Variants in DCHS2 observed in about 807,000 individuals in gnomAD.
The protein encoded by DCHS2 is dachsous cadherin-related 2, also known as protocadherin-23.
In DCHS2, 142 loss-of-function variants were observed where a neutral mutation model predicts 182.4. That is an observed-to-expected ratio of 0.78 (90% CI 0.68 to 0.89). The LOEUF is 0.89. Among genes scored for constraint, DCHS2 ranks in the 40% least tolerant of loss-of-function variants. The probability of loss-of-function intolerance (pLI) is 0.00; values close to 1 mark genes in which losing one functional copy is unlikely to be tolerated. For missense variants in DCHS2, 4,319 were observed against 4,198.6 expected (o/e 1.03, Z -0.79); for synonymous variants, 1,740 against 1,663.3 (o/e 1.05, Z -1.12).
chr4:154,467,351 GA>G (rs1221991745), intron 1 of DCHS2, among the ~76,000 whole-genome samples: 1 of 152,040 alleles, frequency 6.6e-6, no homozygotes, highest in African/African-American at 2.4e-5. Context: ...TGCCAGGCAT[GA>G]AATGATACCA....
In DCHS2 at chr4:154,321,997, G is replaced by T. The variant is rs1736076691; in HGVS notation, c.4176+334C>A. On this transcript the variant is annotated intron_variant, in intron 8 of 19. Transcript: ENST00000357232. ...ATTTGTTTACATACAAGTGTCTCCT[G>T]CAAATTTACCAGAGCCTTGACATTA... 2.0e-5 allele frequency among the ~76,000 whole-genome samples: 3 copies of T among 152,214 alleles called. No homozygotes were observed. In the South Asian group the frequency reaches 6.2e-4, roughly 32 times the overall value.
chr4:154,391,245 A>T (rs747015375), intron 1 of DCHS2: 7 of 1,612,732 alleles, frequency 4.3e-6, no homozygotes, highest in Non-Finnish European at 5.9e-6. Flanking sequence ...CTGAGTAAAC[A>T]TCTTCTTTTC....
intron 16 of DCHS2, among the ~76,000 whole-genome samples, chr4:154,248,200 T>C (rs1005263225): frequency 1.3e-5 from 2 of 152,122 alleles, no homozygotes; most frequent in African/African-American, 4.8e-5. Flanking sequence ...GAAAAAAACA[T>C]ATAATATGAT....
chr4:154,319,120 G>T (rs1032481463), intron 9 of DCHS2, among the ~76,000 whole-genome samples: 1 of 152,104 alleles, frequency 6.6e-6, no homozygotes, highest in African/African-American at 2.4e-5. Context: ...AACAAATGAT[G>T]TGGGGAAACC....
At chr4:154,432,670 A>T (rs1733606457) in intron 1 of DCHS2, among the ~76,000 whole-genome samples, 1 of 152,052 alleles carries the variant, frequency 6.6e-6, no homozygotes, top group Non-Finnish European at 1.5e-5. Flanking sequence ...TGAGAAAAAG[A>T]CAGAAAATCT....
intron 1 of DCHS2, among the ~76,000 whole-genome samples, chr4:154,462,027 G>A (rs1431468600): frequency 6.6e-6 from 1 of 152,078 alleles, no homozygotes; most frequent in Non-Finnish European, 1.5e-5. Context: ...GAAGGAAAGG[G>A]ACAGAAACCA....
Position 154,304,701 on chromosome 4 carries a change from C to T in DCHS2, c.5573G>A (p.Gly1858Asp). 6.2e-7 allele frequency: 1 copy of T among 1,612,966 alleles called. No individual in the cohort carries two copies. The highest frequency in any genetic ancestry group is 1.3e-5 in the African/African-American group (1 of 74,972). ...GTGATATTCAACAGCTCTGTTATTG[C>T]CAGCATCCATATCAGAGGCTAAAAC... ...YTVLASDMDAGNNRAVEYHII... is the reference protein window; with the variant it reads ...YTVLASDMDADNNRAVEYHII... Residue 1858 changes from glycine (G) to aspartate (D), a missense_variant, in exon 12 of 20, where the codon GGC becomes GAC. Gly to Asp is a moderately conservative substitution (Grantham distance 94). Coordinates refer to ENST00000357232, the MANE Select transcript of DCHS2 (RefSeq NM_001358235.2).
In DCHS2 at chr4:154,436,975, C is replaced by T. The variant is rs73854764; in HGVS notation, c.2052+52329G>A. ...GTATTACAATTAATTTCATCTGTTTCCTCTTCCTTCTTTTGGTGTGGGTAC... is the reference window on the plus strand; with the variant it reads ...GTATTACAATTAATTTCATCTGTTTTCTCTTCCTTCTTTTGGTGTGGGTAC... On this transcript the variant is annotated intron_variant, in intron 1 of 19. Transcript: ENST00000357232. 3.5e-3 allele frequency among the ~76,000 whole-genome samples: 533 copies of T among 152,202 alleles called. 3 individuals carry two copies. Among genetic ancestry groups the T allele is most frequent in the African/African-American group, 0.012 (504 of 41,522 alleles).
At chr4:154,260,650 A>G (rs547612151) in intron 14 of DCHS2, among the ~76,000 whole-genome samples, 23 of 152,286 alleles carry the variant, frequency 1.5e-4, no homozygotes, top group African/African-American at 5.5e-4. Flanking sequence ...TTTCCAGATC[A>G]CCATCCCTGT....
At chr4:154,366,675 G>A (rs559220972) in intron 2 of DCHS2, among the ~76,000 whole-genome samples, 14 of 151,732 alleles carry the variant, frequency 9.2e-5, no homozygotes, top group African/African-American at 2.2e-4. Context: ...ACACAAACAC[G>A]TCTTTATATT....
intron 1 of DCHS2, among the ~76,000 whole-genome samples, chr4:154,386,087 T>C (rs1731402004): frequency 6.6e-6 from 1 of 152,164 alleles, no homozygotes; most frequent in South Asian, 2.1e-4. Flanking sequence ...GTCTTTTTAG[T>C]GAACGATACT....
intron 1 of DCHS2, among the ~76,000 whole-genome samples, chr4:154,389,987 T>G (rs1731612488): frequency 6.6e-6 from 1 of 152,196 alleles, no homozygotes; most frequent in Non-Finnish European, 1.5e-5. Flanking sequence ...AGGTTGCTGG[T>G]AGCTGATCCA....
intron 15 of DCHS2, among the ~76,000 whole-genome samples, chr4:154,258,106 G>C (rs1342615351): frequency 6.6e-6 from 1 of 152,204 alleles, no homozygotes; most frequent in Non-Finnish European, 1.5e-5. Flanking sequence ...AAAAGTGAAT[G>C]TTCTTTCTTC....
intron 14 of DCHS2, among the ~76,000 whole-genome samples, chr4:154,260,420 C>G (rs1220189416): frequency 6.6e-6 from 1 of 152,166 alleles, no homozygotes; most frequent in Non-Finnish European, 1.5e-5. Flanking sequence ...AAGCCACCAG[C>G]ACTTCCCACC....
At chr4:154,455,830 A>C (rs76875124) in intron 1 of DCHS2, among the ~76,000 whole-genome samples, 1,631 of 152,286 alleles carry the variant, frequency 0.011, 25 homozygotes, top group South Asian at 0.073. Flanking sequence ...TGGCTCACGA[A>C]TGTAATCTTA....
chr4:154,440,191 T>G (rs1733943018), intron 1 of DCHS2, among the ~76,000 whole-genome samples: 1 of 152,094 alleles, frequency 6.6e-6, no homozygotes, highest in African/African-American at 2.4e-5. Context: ...AGGACTAGAG[T>G]GAGACGAAGC....
At chr4:154,417,204 T>TGTGTGTGAGA (rs1560745908) in intron 1 of DCHS2, among the ~76,000 whole-genome samples, 7 of 39,510 alleles carry the variant, frequency 1.8e-4, no homozygotes, top group African/African-American at 1.9e-4. Flanking sequence ...TGTGTGTGTG[T>TGTGTGTGAGA]GAGAGAGAGA....
At chr4:154,357,538 C>A (rs1401668357) in intron 3 of DCHS2, among the ~76,000 whole-genome samples, 1 of 152,182 alleles carries the variant, frequency 6.6e-6, no homozygotes, top group African/African-American at 2.4e-5. Flanking sequence ...CAGTACTGCA[C>A]AAAGCCTTCT....
chr4:154,246,584 C>A (rs1292262560), intron 16 of DCHS2, among the ~76,000 whole-genome samples: 2 of 151,930 alleles, frequency 1.3e-5, no homozygotes, highest in African/African-American at 2.4e-5. Flanking sequence ...AAAAAAGGAA[C>A]CCAGTGGAAA....
Sources: gnomAD v4.1 joint callset for allele counts (sites outside exome capture counted in the v4.1 genomes callset) on GRCh38, gnomAD v4.1.1 for gene constraint, MANE v1.5 for transcripts, NCBI Gene and HGNC (gene_info 2026-07-23, HGNC 2026-07-21) for gene names.